The following UTS2B variants were observed in gnomAD, a reference collection of about 807,000 sequenced individuals.
UTS2B encodes the protein urotensin-2B.
Under a neutral mutation model 19.2 loss-of-function variants are expected in UTS2B, and 21 were observed. The ratio of observed to expected loss-of-function variants is 1.09; its 90% CI spans 0.78 to 1.58. The LOEUF (loss-of-function observed/expected upper bound fraction) is 1.58. Ranked by LOEUF, UTS2B falls within the 40% of genes most tolerant of loss-of-function variation. UTS2B has a pLI of 0.00. For missense variants in UTS2B, 138 were observed against 130.3 expected (o/e 1.06, Z -0.29); for synonymous variants, 57 against 50.2 (o/e 1.14, Z -0.58).
At chr3:191,323,834 G>A (rs929478816) in intron 2 of UTS2B, among the ~76,000 whole-genome samples, 4 of 152,292 alleles carry the variant, frequency 2.6e-5, no homozygotes, top group African/African-American at 9.6e-5. Flanking sequence ...TGAATGTGGG[G>A]TACCTCTAGG....
intron 3 of UTS2B, among the ~76,000 whole-genome samples, chr3:191,311,711 G>A (rs1717307219): frequency 6.6e-6 from 1 of 152,200 alleles, no homozygotes; most frequent in Admixed American, 6.5e-5. Context: ...CGTCACCTGT[G>A]CATTCATTAG....
chr3:191,303,904 T>C (rs901301779), intron 4 of UTS2B, among the ~76,000 whole-genome samples: 1 of 152,068 alleles, frequency 6.6e-6, no homozygotes, highest in Non-Finnish European at 1.5e-5. Flanking sequence ...CTTAGTTAGG[T>C]CCAGCTTGGT....
intron 4 of UTS2B, among the ~76,000 whole-genome samples, chr3:191,288,227 C>A (rs1716610172): frequency 6.6e-6 from 1 of 152,162 alleles, no homozygotes; most frequent in South Asian, 2.1e-4. Context: ...TCACCGCAAT[C>A]TCTTTTAAAA....
chr3:191,278,239 C>G (rs1716292059), intron 5 of UTS2B, 69 bp from the exon 6 acceptor site: 1 of 779,230 alleles, frequency 1.3e-6, no homozygotes, highest in African/African-American at 1.8e-5. Context: ...ATTGGTCTTA[C>G]AGGCTACTAT....
chr3:191,290,768 G>A (rs1036244353), intron 4 of UTS2B, among the ~76,000 whole-genome samples: 1 of 152,142 alleles, frequency 6.6e-6, no homozygotes, highest in African/African-American at 2.4e-5. Flanking sequence ...AATTTACAGG[G>A]AACAGATAGC....
chr3:191,329,836 C>G (rs1031590438), intron 1 of UTS2B: 2 of 1,059,576 alleles, frequency 1.9e-6, no homozygotes, highest in Non-Finnish European at 1.4e-6. Flanking sequence ...GGTGCCCGCC[C>G]TGCGTTGGCC....
At chr3:191,331,017 T>C (rs147740884), upstream of UTS2B, among the ~76,000 whole-genome samples, 30 of 152,326 alleles carry the variant, frequency 2.0e-4, no homozygotes, top group African/African-American at 7.0e-4. Context: ...TAGAAAACAG[T>C]TTTCACTCTG....
rs574149053 is a variant in UTS2B, at chr3:191,322,001, T to C, written c.-585-5562A>G. 3.3e-5 allele frequency among the ~76,000 whole-genome samples: 5 copies of C among 152,284 alleles called. No homozygotes were observed. The East Asian group carries it at 5.8e-4, about 18-fold the overall frequency. On this transcript the variant is annotated intron_variant, in intron 2 of 8. Transcript: ENST00000340524. ...AAGATTGCGCCATTGCACTCCAGCC[T>C]GGGTGACAAGAGAAAAACTCCATCG...
intron 2 of UTS2B, among the ~76,000 whole-genome samples, chr3:191,326,254 T>C (rs912236340): frequency 2.0e-5 from 3 of 152,210 alleles, no homozygotes; most frequent in African/African-American, 4.8e-5. Flanking sequence ...TGAGTGCCTA[T>C]TATGTGCCAA....
At chr3:191,307,229 T>C (rs929931485) in intron 3 of UTS2B, among the ~76,000 whole-genome samples, 1 of 152,166 alleles carries the variant, frequency 6.6e-6, no homozygotes, top group Non-Finnish European at 1.5e-5. Flanking sequence ...CCTTGGAAAC[T>C]GAATGTACCT....
intron 4 of UTS2B, chr3:191,294,671 T>A (rs1054088952): frequency 1.3e-5 from 2 of 151,548 alleles, no homozygotes; most frequent in Admixed American, 1.3e-4. Context: ...TATTATCAAT[T>A]CCTTTTATAG....
chr3:191,300,681 G>T (rs1370552542), intron 4 of UTS2B, among the ~76,000 whole-genome samples: 1 of 152,234 alleles, frequency 6.6e-6, no homozygotes, highest in African/African-American at 2.4e-5. Context: ...AGTGTTGAAG[G>T]TGGGGCCTGG....
intron 1 of UTS2B, among the ~76,000 whole-genome samples, chr3:191,329,944 G>GGT (rs1717901557): frequency 3.4e-5 from 1 of 29,194 alleles, no homozygotes; most frequent in African/African-American, 5.2e-4. Context: ...GGGGTGGTTG[G>GGT]GGGGGGGGGG....
intron 5 of UTS2B, among the ~76,000 whole-genome samples, chr3:191,281,775 C>A (rs1716392563): frequency 6.6e-6 from 1 of 151,452 alleles, no homozygotes; most frequent in Non-Finnish European, 1.5e-5. Context: ...TTTATACATT[C>A]CCAATCTTTG....
intron 4 of UTS2B, among the ~76,000 whole-genome samples, chr3:191,304,223 G>A (rs910437434): frequency 6.6e-6 from 1 of 152,166 alleles, no homozygotes; most frequent in Non-Finnish European, 1.5e-5. Flanking sequence ...CTCCCAAAGT[G>A]TTGGGATTAC....
At chr3:191,283,941 T>C (rs1415166516) in intron 4 of UTS2B, among the ~76,000 whole-genome samples, 3 of 152,142 alleles carry the variant, frequency 2.0e-5, no homozygotes, top group Non-Finnish European at 4.4e-5. Flanking sequence ...TTTTAAAACA[T>C]TATATCAAGA....
chr3:191,313,725 CTTTTTT>C (rs57398216), intron 3 of UTS2B, among the ~76,000 whole-genome samples: 6 of 109,116 alleles, frequency 5.5e-5, no homozygotes, highest in East Asian at 5.9e-4. Flanking sequence ...CTCCACTTTC[CTTTTTT>C]TTTTTTTTTT....
chr3:191,339,919 T>G, the UTS2B span, among the ~76,000 whole-genome samples: 1 of 152,184 alleles, frequency 6.6e-6, no homozygotes, highest in African/African-American at 2.4e-5. Flanking sequence ...TGTTGTTATC[T>G]TGGATGCTAG....
chr3:191,298,789 T>C (rs757976148), intron 4 of UTS2B, among the ~76,000 whole-genome samples: 73 of 152,270 alleles, frequency 4.8e-4, no homozygotes, highest in Middle Eastern at 3.4e-3. Flanking sequence ...TGGCACTTCA[T>C]AGAGACTTGT....
Sources: allele counts gnomAD v4.1 joint callset (sites outside exome capture counted in the v4.1 genomes callset), GRCh38; gene constraint gnomAD v4.1.1; transcripts MANE v1.5; gene names NCBI Gene and HGNC (gene_info 2026-07-23, HGNC 2026-07-21).